The following RPIA variants were observed in gnomAD, a reference collection of about 807,000 sequenced individuals.
The protein encoded by RPIA is ribose 5-phosphate isomerase A, also known as ribose-5-phosphate isomerase.
RPIA carries 29 observed loss-of-function variants against 37.8 expected under a neutral mutation model. The observed-to-expected ratio is 0.77, with a 90% confidence interval of 0.57 to 1.05. The LOEUF is 1.05. Among genes scored for constraint, RPIA ranks in the 50% least tolerant of loss-of-function variants. The pLI, the probability that RPIA is intolerant of heterozygous loss-of-function variation, is 0.00. For missense variants in RPIA, 385 were observed against 413.6 expected (o/e 0.93, Z 0.60); for synonymous variants, 167 against 157.0 (o/e 1.06, Z -0.48).
At chr2:88,708,127 T>G (rs976923694) in intron 3 of RPIA, among the ~76,000 whole-genome samples, 1 of 152,230 alleles carries the variant, frequency 6.6e-6, no homozygotes, top group African/African-American at 2.4e-5. Flanking sequence ...ACAAAAGATA[T>G]ATGCAGAAGA....
At chr2:88,707,594 A>G (rs1672913473) in intron 3 of RPIA, among the ~76,000 whole-genome samples, 1 of 152,188 alleles carries the variant, frequency 6.6e-6, no homozygotes, top group Admixed American at 6.5e-5. Context: ...AACATTCCCA[A>G]GTATCCTCTG....
intron 3 of RPIA, among the ~76,000 whole-genome samples, chr2:88,713,821 T>C (rs1672998039): frequency 6.6e-6 from 1 of 152,198 alleles, no homozygotes; most frequent in South Asian, 2.1e-4. Flanking sequence ...TGAGCTTTCT[T>C]TGTTCTCATG....
intron 6 of RPIA, among the ~76,000 whole-genome samples, chr2:88,736,304 A>G (rs1455196750): frequency 6.6e-6 from 1 of 152,250 alleles, no homozygotes; most frequent in Non-Finnish European, 1.5e-5. Context: ...TTAAACACCT[A>G]CATACCCACA....
rs760761946 is a variant in RPIA, at chr2:88,721,567, ACACAC to A, written c.403-7709_403-7705del. 1.1e-3 allele frequency among the ~76,000 whole-genome samples: 63 copies of A among 58,056 alleles called. 3 individuals are homozygous for A. The highest frequency in any genetic ancestry group is 5.9e-3 in the Middle Eastern group (1 of 170). 38.1% of individuals were successfully genotyped at this position (58,056 alleles called of 152,430 possible). Reference sequence around the variant, plus strand: ...TATACACACACACACACACACACACACACACCCCCCCCCCCACATGCACACATGTT... The same window carrying A: ...TATACACACACACACACACACACACACCCCCCCCCCACATGCACACATGTT... On this transcript the variant is annotated intron_variant, in intron 3 of 8. Coordinates refer to ENST00000283646, the MANE Select transcript of RPIA (RefSeq NM_144563.3).
intron 3 of RPIA, among the ~76,000 whole-genome samples, chr2:88,706,731 A>G (rs1258315578): frequency 6.6e-6 from 1 of 152,058 alleles, no homozygotes; most frequent in Non-Finnish European, 1.5e-5. Context: ...TAAGGGTCAT[A>G]TTTATATGAT....
chr2:88,742,630 G>T (rs13415925), intron 8 of RPIA, among the ~76,000 whole-genome samples: 9,813 of 152,102 alleles, frequency 0.065, 570 homozygotes, highest in African/African-American at 0.15. Flanking sequence ...TGTAGAATGC[G>T]TTTGGCAGTA....
At chr2:88,727,392 C>T (rs1673212402) in intron 3 of RPIA, among the ~76,000 whole-genome samples, 1 of 152,212 alleles carries the variant, frequency 6.6e-6, no homozygotes, top group Admixed American at 6.5e-5. Flanking sequence ...TTCTCTAATA[C>T]TACTTTTACT....
At chr2:88,727,596 C>G (rs1231128537) in intron 3 of RPIA, among the ~76,000 whole-genome samples, 1 of 152,084 alleles carries the variant, frequency 6.6e-6, no homozygotes, top group East Asian at 1.9e-4. Context: ...GTATTGTTGC[C>G]CTCTGTTAGC....
At chr2:88,739,788 T>C (rs1300434450) in intron 8 of RPIA, among the ~76,000 whole-genome samples, 2 of 152,264 alleles carry the variant, frequency 1.3e-5, no homozygotes, top group East Asian at 3.9e-4. Context: ...CGGCTAAGTT[T>C]TGAATTTTTT....
At chr2:88,712,785 T>C (rs983766857) in intron 3 of RPIA, among the ~76,000 whole-genome samples, 3 of 152,208 alleles carry the variant, frequency 2.0e-5, no homozygotes, top group African/African-American at 7.2e-5. Context: ...CCGCTATACT[T>C]GGCTGCACTC....
At chr2:88,726,987 C>T (rs528263134) in intron 3 of RPIA, among the ~76,000 whole-genome samples, 1 of 152,366 alleles carries the variant, frequency 6.6e-6, no homozygotes, top group Admixed American at 6.5e-5. Context: ...GATCCACCCA[C>T]CTTGGCCTCC....
At chr2:88,712,139 T>C (rs1275565336) in intron 3 of RPIA, among the ~76,000 whole-genome samples, 3 of 152,152 alleles carry the variant, frequency 2.0e-5, no homozygotes, top group Non-Finnish European at 4.4e-5. Context: ...AGAGTAGAGG[T>C]CCATCAGTCA....
intron 3 of RPIA, among the ~76,000 whole-genome samples, chr2:88,708,795 C>CGCCCAGGCTGGAGT (rs1213724529): frequency 3.5e-5 from 5 of 144,620 alleles, no homozygotes; most frequent in Non-Finnish European, 6.0e-5. Context: ...CTCGCTCTGT[C>CGCCCAGGCTGGAGT]GCCCAGGCTG....
In RPIA at chr2:88,729,345, T is replaced by C. The variant is rs879151446; in HGVS notation, c.462+8T>C. 2 of 1,613,934 alleles carry C rather than the reference T, an allele frequency of 1.2e-6. No homozygotes were observed. The highest frequency in any genetic ancestry group is 2.2e-5 in the South Asian group (2 of 91,082). ...CTGGATCGACACCCAGAGGTAAGAT[T>C]GCCACTCAGAGGCAGACCACTGCGT... On this transcript the variant is annotated splice_region_variant and intron_variant, in intron 4 of 8. Coordinates refer to ENST00000283646, the MANE Select transcript of RPIA (RefSeq NM_144563.3).
chr2:88,692,605 C>T (rs1242993425), intron 1 of RPIA, among the ~76,000 whole-genome samples: 3 of 151,906 alleles, frequency 2.0e-5, no homozygotes, highest in Admixed American at 2.0e-4. Context: ...GGTCGTGGTC[C>T]CTACTTGTTT....
intron 3 of RPIA, among the ~76,000 whole-genome samples, chr2:88,719,099 A>G (rs1347633024): frequency 2.0e-5 from 3 of 152,160 alleles, no homozygotes; most frequent in Non-Finnish European, 4.4e-5. Flanking sequence ...CTTGTATTCA[A>G]GAGCACCTGT....
At chr2:88,736,737 C>T (rs979002589) in intron 7 of RPIA, 61 bp downstream of exon 7, 5 of 1,567,380 alleles carry the variant, frequency 3.2e-6, no homozygotes, top group African/African-American at 2.7e-5. Flanking sequence ...GTGTGGTGTC[C>T]TCCCTTCTGT....
intron 1 of RPIA, among the ~76,000 whole-genome samples, chr2:88,697,715 GA>G (rs1355071970): frequency 1.3e-5 from 2 of 152,218 alleles, no homozygotes; most frequent in African/African-American, 4.8e-5. Context: ...TATTGCAGAT[GA>G]AGACTATTTT....
rs377570631 is a variant in RPIA, at chr2:88,706,033, G to T, written c.402+5969G>T. On this transcript the variant is annotated intron_variant, in intron 3 of 8. Coordinates refer to ENST00000283646, the MANE Select transcript of RPIA (RefSeq NM_144563.3). ...ACCATCTCATGCTGGTCAGAATGGC[G>T]ATTATTAAAAAGTCAAGAAACAACA... Among the ~76,000 whole-genome samples, 39 of 152,214 alleles carry T rather than the reference G, an allele frequency of 2.6e-4. No individual in the cohort carries two copies. The South Asian group carries it at 7.1e-3, about 28-fold the overall frequency.
Sources: gnomAD v4.1 joint callset for allele counts (sites outside exome capture counted in the v4.1 genomes callset) on GRCh38, gnomAD v4.1.1 for gene constraint, MANE v1.5 for transcripts, NCBI Gene and HGNC (gene_info 2026-07-23, HGNC 2026-07-21) for gene names.